The following UBASH3B variants were observed in gnomAD, a reference collection of about 807,000 sequenced individuals.
UBASH3B encodes the protein ubiquitin associated and SH3 domain containing B.
A neutral mutation model predicts 83.4 loss-of-function variants in UBASH3B; 37 were observed. That is an observed-to-expected ratio of 0.44 (90% CI 0.34 to 0.58). The LOEUF (loss-of-function observed/expected upper bound fraction) is 0.58, where lower values mean the gene tolerates loss of function less well. Among genes scored for constraint, UBASH3B ranks in the 20% least tolerant of loss-of-function variants. The pLI is 0.01. For missense variants in UBASH3B, 657 were observed against 827.2 expected, an observed-to-expected ratio of 0.79 and a Z score of 2.52; for synonymous variants, 304 against 318.3, an observed-to-expected ratio of 0.96 and a Z score of 0.48.
At chr11:122,662,462 T>C (rs1409219280) in intron 1 of UBASH3B, among the ~76,000 whole-genome samples, 1 of 148,216 alleles carries the variant, frequency 6.7e-6, no homozygotes, top group Non-Finnish European at 1.5e-5. Context: ...AGTTTCACTC[T>C]TGTTGCCCAG....
At chr11:122,680,584 C>T (rs1863724999) in intron 1 of UBASH3B, among the ~76,000 whole-genome samples, 1 of 152,228 alleles carries the variant, frequency 6.6e-6, no homozygotes, top group African/African-American at 2.4e-5. Flanking sequence ...CTGCCTCAGC[C>T]TTCTGAGTAG....
chr11:122,722,243 T>C (rs1483105511), intron 1 of UBASH3B, among the ~76,000 whole-genome samples: 2 of 152,208 alleles, frequency 1.3e-5, no homozygotes, highest in Non-Finnish European at 1.5e-5. Flanking sequence ...GCCCTCATGC[T>C]CTCTTGCTTC....
chr11:122,681,562 C>T (rs995596480), intron 1 of UBASH3B, among the ~76,000 whole-genome samples: 9 of 152,132 alleles, frequency 5.9e-5, no homozygotes, highest in African/African-American at 2.2e-4. Flanking sequence ...AAAGCCGAGT[C>T]CTGGGAAGTA....
At chr11:122,725,262 G>A (rs1008378890) in intron 1 of UBASH3B, among the ~76,000 whole-genome samples, 7 of 146,186 alleles carry the variant, frequency 4.8e-5, no homozygotes, top group African/African-American at 1.8e-4. Flanking sequence ...GAGCCACCGT[G>A]CCCGGCCTCA....
At chr11:122,776,406 C>T (rs1307449660) in intron 2 of UBASH3B, 134 bp downstream of exon 2, 84 of 776,048 alleles carry the variant, frequency 1.1e-4, no homozygotes, top group Non-Finnish European at 5.3e-5. Flanking sequence ...GTGGCAAGTG[C>T]GTTTATCAAG....
At chr11:122,725,328 CAA>C (rs527272428) in intron 1 of UBASH3B, among the ~76,000 whole-genome samples, 7 of 87,952 alleles carry the variant, frequency 8.0e-5, no homozygotes, top group African/African-American at 1.7e-4. Context: ...GCACCATAAA[CAA>C]AAAAAAAAAA....
rs112344267 is a variant in UBASH3B, at chr11:122,814,444, T to C, written c.*4558T>C. 6.6e-6 allele frequency: 1 copy of C among 152,644 alleles called. No individual in the cohort carries two copies. Among genetic ancestry groups the C allele is most frequent in the East Asian group, 1.9e-4 (1 of 5,192 alleles). The allele number at this position is 152,644 out of a possible 1,614,324, so 9.5% of individuals were successfully genotyped here. A position where few individuals can be genotyped will look rare whatever the true frequency, so the allele number is the denominator to read the frequency against. ...GCATCTCCATTAAATGGTTCATAGA[T>C]GATTTAATAAAAAGAAACTTCTCAG... On this transcript the variant is annotated 3_prime_UTR_variant, in exon 14 of 14. Transcript: ENST00000284273.
chr11:122,803,785 T>C (rs926123050), intron 11 of UBASH3B, among the ~76,000 whole-genome samples: 1 of 151,592 alleles, frequency 6.6e-6, no homozygotes, highest in African/African-American at 2.4e-5. Context: ...GCAGAGAGTA[T>C]ATGGGGGAGG....
At chr11:122,744,979 G>A (rs2135963252) in intron 1 of UBASH3B, among the ~76,000 whole-genome samples, 1 of 152,158 alleles carries the variant, frequency 6.6e-6, no homozygotes, top group Middle Eastern at 3.4e-3. Flanking sequence ...TTTCCTTGCA[G>A]GGGACCAGCC....
At chr11:122,726,461 T>C (rs1326840076) in intron 1 of UBASH3B, 1 of 150,944 alleles carries the variant, frequency 6.6e-6, no homozygotes, top group Non-Finnish European at 1.5e-5. Context: ...GCAATTTTCC[T>C]GCCTCAGCCT....
Position 122,724,657 on chromosome 11 carries a change from A to T in UBASH3B, c.162-51562A>T, listed in dbSNP as rs546984513. The stretch of plus-strand genomic sequence containing the variant: ...TAGTAGCATTTGATCTTAAAATGTC[A>T]TTAGCAATTCACCAGATGGGGGAAA... On this transcript the variant is annotated intron_variant, in intron 1 of 13. Transcript: ENST00000284273. 6.8e-4 allele frequency among the ~76,000 whole-genome samples: 103 copies of T among 152,272 alleles called. 1 individual carries two copies. Among genetic ancestry groups the T allele is most frequent in the Non-Finnish European group, 1.0e-3 (68 of 68,008 alleles).
chr11:122,779,028 A>T (rs1860796516), intron 3 of UBASH3B, among the ~76,000 whole-genome samples: 1 of 152,224 alleles, frequency 6.6e-6, no homozygotes, highest in Non-Finnish European at 1.5e-5. Flanking sequence ...TCGCATGCTT[A>T]TCAGGCATTT....
chr11:122,801,699 C>T (rs940913278), intron 11 of UBASH3B, among the ~76,000 whole-genome samples: 9 of 152,078 alleles, frequency 5.9e-5, no homozygotes, highest in South Asian at 4.1e-4. Flanking sequence ...ACAGTTTCTA[C>T]GTTTAATTTT....
Position 122,789,782 on chromosome 11 carries a change from C to T in UBASH3B, c.980+474C>T, listed in dbSNP as rs114733629. The stretch of plus-strand genomic sequence containing the variant: ...TTGCTAAGTGACCCTGAGCAAGTCC[C>T]CAGACACAGCCTATGCATGCCTAGA... On this transcript the variant is annotated intron_variant, in intron 6 of 13. Coordinates refer to ENST00000284273, the MANE Select transcript of UBASH3B (RefSeq NM_032873.5). Among the ~76,000 whole-genome samples, 1,215 of 152,198 alleles carry T rather than the reference C, an allele frequency of 8.0e-3. 25 individuals carry two copies. The highest frequency in any genetic ancestry group is 0.027 in the African/African-American group (1,135 of 41,506).
chr11:122,669,400 C>T (rs1863561559), intron 1 of UBASH3B, among the ~76,000 whole-genome samples: 1 of 152,210 alleles, frequency 6.6e-6, no homozygotes, highest in Non-Finnish European at 1.5e-5. Flanking sequence ...TCCTGCCTCA[C>T]TCCTTTCCTT....
In UBASH3B at chr11:122,779,577, G is replaced by T. The variant is rs367550478; in HGVS notation, c.483G>T (p.Pro161=). 164 of 1,614,036 alleles carry T rather than the reference G, an allele frequency of 1.0e-4. No homozygotes were observed. Among genetic ancestry groups the T allele is most frequent in the Non-Finnish European group, 1.3e-4 (157 of 1,180,028 alleles). The part of the protein sequence containing the change: ...VSRWKCKFSA[P]LPLELYTSSN... ...GCTGGAAATGTAAGTTCTCGGCCCC[G>T]CTGCCCCTGGAGCTCTATACGTCGT... The change falls in exon 4 of 14, where the codon CCG becomes CCT. Residue 161 remains proline (P), a synonymous_variant. Transcript: ENST00000284273.
intron 1 of UBASH3B, among the ~76,000 whole-genome samples, chr11:122,762,256 G>A (rs1861382777): frequency 6.6e-6 from 1 of 152,172 alleles, no homozygotes; most frequent in Admixed American, 6.5e-5. Context: ...ATAGTTCACT[G>A]CATACAAATG....
chr11:122,727,830 G>C (rs1311856045), intron 1 of UBASH3B, among the ~76,000 whole-genome samples: 1 of 152,074 alleles, frequency 6.6e-6, no homozygotes, highest in Non-Finnish European at 1.5e-5. Flanking sequence ...AGAAATCCTT[G>C]TTTCCACCCA....
At chr11:122,760,157 T>C (rs1861346463) in intron 1 of UBASH3B, among the ~76,000 whole-genome samples, 2 of 152,202 alleles carry the variant, frequency 1.3e-5, no homozygotes, top group South Asian at 4.1e-4. Flanking sequence ...TCATGGTCTA[T>C]TGCAAAGACA....
Sources: gnomAD v4.1 joint callset for allele counts (sites outside exome capture counted in the v4.1 genomes callset) on GRCh38, gnomAD v4.1.1 for gene constraint, MANE v1.5 for transcripts, NCBI Gene and HGNC (gene_info 2026-07-23, HGNC 2026-07-21) for gene names.